VAC14: variants seen among roughly 807,000 people sequenced by gnomAD.
VAC14 encodes protein VAC14 homolog.
In VAC14, 47 loss-of-function variants were observed where a neutral mutation model predicts 85.3. That is an observed-to-expected ratio of 0.55 (90% CI 0.44 to 0.70). The LOEUF (loss-of-function observed/expected upper bound fraction) is 0.70, where lower values mean the gene tolerates loss of function less well. VAC14 is among the 30% of genes least tolerant of loss of function. VAC14 has a pLI of 0.00. For synonymous variants in VAC14, 447 were observed against 430.5 expected, an observed-to-expected ratio of 1.04 and a Z score of -0.47; for missense variants, 861 against 1,004.3, an observed-to-expected ratio of 0.86 and a Z score of 1.93.
rs985449440 is a variant in VAC14 at position 70,785,711 on chromosome 16, C to T, written c.414G>A (p.Gly138=). The stretch of plus-strand genomic sequence containing the variant: ...GGAGGAGGGCGGTTACCTTGCTCAG[C>T]CCGTCAAAGAGCACGTTGAAGTGGG... ...VLPHFNVLFD[G]LSKLAADPDP... is the part of the protein sequence containing the mutation. The change falls in exon 3 of 19, where the codon GGG becomes GGA. Residue 138 remains glycine (G), a synonymous_variant. Coordinates refer to ENST00000261776, the MANE Select transcript of VAC14 (RefSeq NM_018052.5). 2.6e-6 allele frequency: 4 copies of T among 1,559,402 alleles called. No homozygotes were observed. The highest frequency in any genetic ancestry group is 2.4e-5 in the East Asian group (1 of 42,168).
chr16:70,792,570 C>G (rs948265808), intron 1 of VAC14, among the ~76,000 whole-genome samples: 15 of 152,316 alleles, frequency 9.8e-5, no homozygotes, highest in African/African-American at 3.6e-4. Flanking sequence ...GGCAGGAACA[C>G]CCATTCCCCA....
chr16:70,746,403 C>T (rs1162815954), intron 12 of VAC14, among the ~76,000 whole-genome samples: 1 of 152,226 alleles, frequency 6.6e-6, no homozygotes, highest in African/African-American at 2.4e-5. Context: ...CCCCTGGGAC[C>T]CTGCTCTGTG....
At chr16:70,744,968 T>C in intron 12 of VAC14, 1 of 181,626 alleles carries the variant, frequency 5.5e-6, no homozygotes, top group Non-Finnish European at 1.2e-5. Context: ...TGCGCAAGGC[T>C]CCCAAAGTGC....
chr16:70,695,279 T>G (rs2053683915), intron 17 of VAC14, among the ~76,000 whole-genome samples: 2 of 152,134 alleles, frequency 1.3e-5, no homozygotes, highest in African/African-American at 4.8e-5. Context: ...GCCTGGCTAA[T>G]TTTTAAAAAA....
intron 18 of VAC14, chr16:70,691,459 T>C: frequency 1.0e-6 from 1 of 984,728 alleles, no homozygotes; most frequent in Non-Finnish European, 1.2e-6. Flanking sequence ...GTGTGGCTTC[T>C]AGGCCTCTCT....
intron 14 of VAC14, among the ~76,000 whole-genome samples, chr16:70,706,657 G>A (rs965807090): frequency 1.2e-4 from 18 of 152,136 alleles, no homozygotes; most frequent in Non-Finnish European, 5.9e-5. Flanking sequence ...CATGTGCCAC[G>A]ATACTAGGCA....
At position 70,693,023 on chromosome 16, in the gene VAC14, G is replaced by A. The variant is rs373449211; in HGVS notation, c.2036-52C>T. ...GGGACCTGGCACTGCTCTGGGACACGCCCAGCCCACACTGCCTGCCTCCGA... is the reference window on the plus strand; with the variant it reads ...GGGACCTGGCACTGCTCTGGGACACACCCAGCCCACACTGCCTGCCTCCGA... On this transcript the variant is annotated intron_variant, in intron 17 of 18. Coordinates refer to ENST00000261776, the MANE Select transcript of VAC14 (RefSeq NM_018052.5). 70 of 1,572,284 alleles carry A rather than the reference G, an allele frequency of 4.5e-5. No individual in the cohort carries two copies. In the African/African-American group the frequency reaches 7.0e-4, roughly 16 times the overall value.
intron 14 of VAC14, among the ~76,000 whole-genome samples, chr16:70,722,622 A>G (rs2054322849): frequency 6.6e-6 from 1 of 152,182 alleles, no homozygotes; most frequent in South Asian, 2.1e-4. Flanking sequence ...TGAGAAACGC[A>G]TTCTACAACG....
At chr16:70,758,102 C>CA (rs139811661) in intron 12 of VAC14, among the ~76,000 whole-genome samples, 2,835 of 152,072 alleles carry the variant, frequency 0.019, 86 homozygotes, top group African/African-American at 0.063. Flanking sequence ...ATAAAACCTA[C>CA]AAAAAAAGAC....
intron 7 of VAC14, among the ~76,000 whole-genome samples, chr16:70,782,253 T>G (rs550826731): frequency 6.6e-6 from 1 of 152,372 alleles, no homozygotes; most frequent in East Asian, 1.9e-4. Flanking sequence ...ACTGGGACTC[T>G]GCTCCTCCTC....
At position 70,781,911 on chromosome 16, in the gene VAC14, T is replaced by G; in HGVS notation, c.904A>C (p.Thr302Pro). The G allele has an allele frequency of 6.2e-7, 1 of 1,614,066 alleles. No homozygotes were observed. The highest frequency in any genetic ancestry group is 8.5e-7 in the Non-Finnish European group (1 of 1,180,024). ...TAGGCCAAGCAGGGCAAGACAGCAG[T>G]CAGGATCCCGGAGGAGTAAGGCAGC... ...VMLPYSSGIL[T>P]AVLPCLAYDD... The change falls in exon 8 of 19, where the codon ACT (threonine) becomes CCT (proline). Residue 302 changes from threonine (T) to proline (P), a missense_variant. This residue lies in a region of VAC14 where 629 missense variants were observed against 703.1 expected (regional missense o/e 0.89). Coordinates refer to ENST00000261776, the MANE Select transcript of VAC14 (RefSeq NM_018052.5).
chr16:70,701,142 C>T (rs1363024080), intron 14 of VAC14, among the ~76,000 whole-genome samples: 2 of 152,172 alleles, frequency 1.3e-5, no homozygotes, highest in Non-Finnish European at 2.9e-5. Context: ...TGGTTTTCCT[C>T]CCACCTCTCC....
In VAC14 at chr16:70,731,510, C is replaced by G; in HGVS notation, c.1646G>C (p.Gly549Ala). The G allele has an allele frequency of 1.1e-5, 17 of 1,613,968 alleles. No individual in the cohort carries two copies. Among genetic ancestry groups the G allele is most frequent in the Non-Finnish European group, 1.4e-5 (16 of 1,179,908 alleles). Residue 549 changes from glycine to alanine, a missense_variant, in exon 14 of 19, where the codon GGC becomes GCC. Physicochemically the swap from Gly to Ala is moderately conservative, Grantham distance 60. This residue lies in a region of VAC14 where 69 missense variants were observed against 139.0 expected (regional missense o/e 0.50). Coordinates refer to ENST00000261776, the MANE Select transcript of VAC14 (RefSeq NM_018052.5). The part of the protein sequence containing the change: ...SSERKLLEVR[G>A]PFIIRQLCLL... ...CAAGGCTGACCTGATGATGAAAGGGCCTCTGACCTCCAGGAGCTTCCGTTC... is the reference window on the plus strand; with the variant it reads ...CAAGGCTGACCTGATGATGAAAGGGGCTCTGACCTCCAGGAGCTTCCGTTC...
chr16:70,738,064 G>C (rs2054818466), intron 13 of VAC14, among the ~76,000 whole-genome samples: 1 of 152,252 alleles, frequency 6.6e-6, no homozygotes, highest in Admixed American at 6.5e-5. Flanking sequence ...CTGTGAACCA[G>C]GCAGGGCTAA....
At chr16:70,711,787 A>G (rs542945365) in intron 14 of VAC14, among the ~76,000 whole-genome samples, 11 of 152,194 alleles carry the variant, frequency 7.2e-5, no homozygotes, top group Admixed American at 2.0e-4. Flanking sequence ...TTATGAACTG[A>G]GATGGCTTTC....
intron 16 of VAC14, among the ~76,000 whole-genome samples, chr16:70,696,281 G>A (rs1003894548): frequency 6.6e-6 from 1 of 152,216 alleles, no homozygotes; most frequent in Non-Finnish European, 1.5e-5. Context: ...GGGAGGCCGA[G>A]ATGGGCAGAT....
intron 9 of VAC14, chr16:70,772,389 CAAG>C: frequency 1.8e-6 from 1 of 543,930 alleles, no homozygotes. Flanking sequence ...AGTGATCTCA[CAAG>C]GAGGGGACAC....
intron 1 of VAC14, among the ~76,000 whole-genome samples, chr16:70,800,133 A>C (rs1276824464): frequency 6.6e-6 from 1 of 152,226 alleles, no homozygotes; most frequent in Non-Finnish European, 1.5e-5. Context: ...CTGCAGAAAA[A>C]AAAATAAATA....
Position 70,687,524 on chromosome 16 carries a change from TAC to T in VAC14, c.*402_*403del, listed in dbSNP as rs3833084. The T allele has an allele frequency of 0.39, 59,296 of 153,494 alleles. 11,442 individuals carry two copies. The highest frequency in any genetic ancestry group is 0.44 in the Non-Finnish European group (31,422 of 70,844). The allele number at this position is 153,494 out of a possible 1,614,324, so 9.5% of individuals were successfully genotyped here. On this transcript the variant is annotated 3_prime_UTR_variant, in exon 19 of 19. Coordinates refer to ENST00000261776, the MANE Select transcript of VAC14 (RefSeq NM_018052.5). ...GTGCTGGTGCCTACGTGCATACAAG[TAC>T]ACACACACACACACACACACAGGCA... is the stretch of plus-strand genomic sequence containing the variant.
Sources: allele counts gnomAD v4.1 joint callset (sites outside exome capture counted in the v4.1 genomes callset), GRCh38; gene constraint gnomAD v4.1.1; regional missense constraint gnomAD v4.1.1; transcripts MANE v1.5; gene names NCBI Gene and HGNC (gene_info 2026-07-23, HGNC 2026-07-21).